Variants in RAPGEF4 observed in about 807,000 individuals in gnomAD.
RAPGEF4 encodes the protein Rap guanine nucleotide exchange factor 4.
In RAPGEF4, 66 loss-of-function variants were observed where a neutral mutation model predicts 147.9. That is an observed-to-expected ratio of 0.45 (90% CI 0.37 to 0.55). The LOEUF (loss-of-function observed/expected upper bound fraction) is 0.55. RAPGEF4 is among the 20% of genes least tolerant of loss of function. RAPGEF4 has a pLI of 0.00. For missense variants in RAPGEF4, 1,071 were observed against 1,257.3 expected (o/e 0.85, Z 2.24); for synonymous variants, 419 against 442.7 (o/e 0.95, Z 0.67).
chr2:172,910,866 A>G (rs961118671), intron 4 of RAPGEF4, among the ~76,000 whole-genome samples: 1 of 152,212 alleles, frequency 6.6e-6, no homozygotes, highest in African/African-American at 2.4e-5. Context: ...CATCCGCTGC[A>G]TCCTATTGGT....
At chr2:172,810,572 G>A (rs1687929689) in intron 3 of RAPGEF4, among the ~76,000 whole-genome samples, 2 of 152,214 alleles carry the variant, frequency 1.3e-5, no homozygotes, top group African/African-American at 2.4e-5. Flanking sequence ...GATCAGATTG[G>A]AGGAAAAAGC....
At chr2:173,036,252 T>C (rs2106009493) in intron 28 of RAPGEF4, 40 bp downstream of exon 28, 2 of 1,446,532 alleles carry the variant, frequency 1.4e-6, no homozygotes. Context: ...AGGTGATGAG[T>C]ATTTGGGGAG....
Position 172,985,326 on chromosome 2 carries a change from T to A in RAPGEF4, c.1090-107T>A, listed in dbSNP as rs1692131528. Reference sequence around the variant, plus strand: ...GCAAGAGAGGTGAGAGATGACTGCATGGGAAGCCCCGGGACAGTTTGCATT... The same window carrying A: ...GCAAGAGAGGTGAGAGATGACTGCAAGGGAAGCCCCGGGACAGTTTGCATT... On this transcript the variant is annotated intron_variant, in intron 11 of 30. Coordinates refer to ENST00000397081, the MANE Select transcript of RAPGEF4 (RefSeq NM_007023.4). The A allele has an allele frequency of 1.3e-5, 20 of 1,501,978 alleles. 1 individual carries two copies. In the South Asian group the frequency reaches 2.2e-4, roughly 17 times the overall value. The allele number at this position is 1,501,978 out of a possible 1,614,324, so 93.0% of individuals were successfully genotyped here.
At chr2:172,907,247 A>G (rs1324521828) in intron 4 of RAPGEF4, among the ~76,000 whole-genome samples, 1 of 152,230 alleles carries the variant, frequency 6.6e-6, no homozygotes, top group Non-Finnish European at 1.5e-5. Context: ...TTGTCAGTAT[A>G]ATAATACATT....
intron 4 of RAPGEF4, among the ~76,000 whole-genome samples, chr2:172,872,134 C>A (rs369990965): frequency 6.6e-6 from 1 of 152,144 alleles, no homozygotes; most frequent in South Asian, 2.1e-4. Flanking sequence ...GCTTTATTCT[C>A]TGGAGCTGTT....
chr2:172,748,693 AT>A (rs1164194654), intron 1 of RAPGEF4, among the ~76,000 whole-genome samples: 4 of 152,182 alleles, frequency 2.6e-5, no homozygotes, highest in Non-Finnish European at 5.9e-5. Context: ...AAAATCAATC[AT>A]GCCTTCCCAA....
intron 15 of RAPGEF4, 70 bp from the exon 16 acceptor site, chr2:172,996,396 G>T: frequency 8.4e-6 from 7 of 838,242 alleles, no homozygotes; most frequent in South Asian, 2.0e-5. Context: ...AAAAAACTTA[G>T]ATAAGTAAAA....
At chr2:172,840,025 C>A (rs1445599757) in intron 4 of RAPGEF4, among the ~76,000 whole-genome samples, 3 of 152,118 alleles carry the variant, frequency 2.0e-5, no homozygotes, top group Non-Finnish European at 4.4e-5. Context: ...GCCTCTTTCT[C>A]TTTAGTACTT....
chr2:172,969,036 G>A (rs915607692), intron 10 of RAPGEF4, among the ~76,000 whole-genome samples: 2 of 152,218 alleles, frequency 1.3e-5, no homozygotes, highest in Admixed American at 6.5e-5. Flanking sequence ...CAAAGCACAG[G>A]AGGGGGCCCA....
At chr2:172,761,536 C>G (rs1322144096) in intron 1 of RAPGEF4, among the ~76,000 whole-genome samples, 1 of 152,068 alleles carries the variant, frequency 6.6e-6, no homozygotes, top group East Asian at 1.9e-4. Context: ...GAAGGGGGAA[C>G]CAAGCTGTCT....
intron 23 of RAPGEF4, among the ~76,000 whole-genome samples, chr2:173,024,411 G>T (rs1459871261): frequency 1.4e-5 from 2 of 143,164 alleles, no homozygotes; most frequent in African/African-American, 4.9e-5. Context: ...TAGAGACGGG[G>T]TTTCACCGTT....
intron 3 of RAPGEF4, among the ~76,000 whole-genome samples, chr2:172,800,835 C>G (rs532532038): frequency 1.2e-4 from 19 of 152,290 alleles, no homozygotes; most frequent in African/African-American, 4.6e-4. Flanking sequence ...ATCCTTACAG[C>G]AACATCTAGA....
intron 4 of RAPGEF4, among the ~76,000 whole-genome samples, chr2:172,912,988 C>G (rs368366868): frequency 6.6e-6 from 1 of 151,058 alleles, no homozygotes; most frequent in African/African-American, 2.4e-5. Context: ...CTCCACCTCC[C>G]GGGTTCAAGC....
intron 6 of RAPGEF4, among the ~76,000 whole-genome samples, chr2:172,959,222 G>A (rs928804091): frequency 2.0e-5 from 3 of 152,232 alleles, no homozygotes; most frequent in African/African-American, 7.2e-5. Flanking sequence ...GGCGTCAGCA[G>A]GGCTGCGTTC....
At chr2:172,829,587 A>G (rs576914707) in intron 4 of RAPGEF4, among the ~76,000 whole-genome samples, 57 of 152,286 alleles carry the variant, frequency 3.7e-4, no homozygotes, top group Non-Finnish European at 4.7e-4. Context: ...AGTGCCAGAA[A>G]CTATTCTTAT....
chr2:172,996,631 T>C (rs754903438), intron 16 of RAPGEF4, 77 bp downstream of exon 16: 102 of 1,024,868 alleles, frequency 1.0e-4, no homozygotes, highest in Middle Eastern at 2.0e-4. Context: ...TCATTTGCAG[T>C]GTGTATAGCG....
At chr2:172,758,503 T>G (rs921604323) in intron 1 of RAPGEF4, among the ~76,000 whole-genome samples, 1 of 152,116 alleles carries the variant, frequency 6.6e-6, no homozygotes, top group Non-Finnish European at 1.5e-5. Context: ...AAGGGAGAGC[T>G]ATAAGGAAGC....
Position 173,052,783 on chromosome 2 carries a change from T to G in RAPGEF4, c.*1016T>G, listed in dbSNP as rs539105000. On this transcript the variant is annotated 3_prime_UTR_variant, in exon 31 of 31. Transcript: ENST00000397081. ...TTTAGTACGTAATTTTGAAGTACAT[T>G]TTTTCCTGTTTTCACAATTAGACTA... 6.6e-6 allele frequency: 1 copy of G among 152,576 alleles called. No individual in the cohort carries two copies. The highest frequency in any genetic ancestry group is 6.6e-5 in the Admixed American group (1 of 15,266). The allele number at this position is 152,576 out of a possible 1,614,324, so 9.5% of individuals were successfully genotyped here.
chr2:172,930,737 G>A (rs1230259426), intron 6 of RAPGEF4, among the ~76,000 whole-genome samples: 1 of 152,162 alleles, frequency 6.6e-6, no homozygotes, highest in Non-Finnish European at 1.5e-5. Flanking sequence ...AAATTTAGCA[G>A]CATTCAGCCC....
Sources: allele counts gnomAD v4.1 joint callset (sites outside exome capture counted in the v4.1 genomes callset), GRCh38; gene constraint gnomAD v4.1.1; transcripts MANE v1.5; gene names NCBI Gene and HGNC (gene_info 2026-07-23, HGNC 2026-07-21).